The following NIPBL variants were observed in gnomAD, a reference collection of about 807,000 sequenced individuals.
NIPBL encodes nipped-B-like protein.
In NIPBL, 19 loss-of-function variants were observed where a neutral mutation model predicts 321.8. That is an observed-to-expected ratio of 0.06 (90% CI 0.04 to 0.09). The LOEUF is 0.09. Ranked by LOEUF, NIPBL falls within the 10% of genes least tolerant of loss-of-function variation. The pLI, the probability that NIPBL is intolerant of heterozygous loss-of-function variation, is 1.00. For synonymous variants in NIPBL, 1,106 were observed against 1,114.1 expected, an observed-to-expected ratio of 0.99 and a Z score of 0.14; for missense variants, 2,210 against 3,327.0, an observed-to-expected ratio of 0.66 and a Z score of 8.26.
chr5:36,985,875 G>T lies in NIPBL; in HGVS notation c.2695G>T (p.Asp899Tyr). ...TGACAGTCCTCGTGTTAAACAAGGA[G>T]ATTCTAATAAATCAAGATCTGATAA... ...RPDSPRVKQG[D>Y]SNKSRSDKLG... Residue 899 changes from aspartate (D) to tyrosine (Y), a missense_variant, in exon 10 of 47, where the codon GAT becomes TAT. Coordinates refer to ENST00000282516, the MANE Select transcript of NIPBL (RefSeq NM_133433.4). The T allele has an allele frequency of 6.2e-7, 1 of 1,613,856 alleles. No homozygotes were observed. The highest frequency in any genetic ancestry group is 1.1e-5 in the South Asian group (1 of 91,070).
Position 37,000,688 on chromosome 5 carries a change from A to T in NIPBL, c.3502+118A>T. The T allele has an allele frequency of 5.4e-6, 7 of 1,307,046 alleles. No homozygotes were observed. In the South Asian group the frequency reaches 7.6e-5, roughly 14 times the overall value. 81.0% of individuals were successfully genotyped at this position (1,307,046 alleles called of 1,614,324 possible). On this transcript the variant is annotated intron_variant, in intron 12 of 46. Transcript: ENST00000282516. ...ATAACTAATTTTCAATTAAGACAAAAATACTTAGTTTCTATGTGCAGTGAT... is the reference window on the plus strand; with the variant it reads ...ATAACTAATTTTCAATTAAGACAAATATACTTAGTTTCTATGTGCAGTGAT...
chr5:36,952,386 G>A (rs1275603689), intron 1 of NIPBL, among the ~76,000 whole-genome samples: 1 of 151,928 alleles, frequency 6.6e-6, no homozygotes, highest in African/African-American at 2.4e-5. Flanking sequence ...TTTAATCTTA[G>A]CTCTATGGTT....
intron 25 of NIPBL, among the ~76,000 whole-genome samples, chr5:37,019,728 A>G (rs1037079515): frequency 1.3e-5 from 2 of 152,182 alleles, no homozygotes; most frequent in Non-Finnish European, 2.9e-5. Context: ...GATGATCTAT[A>G]AGCCTGTAAA....
chr5:36,986,395 A>C, intron 10 of NIPBL, 94 bp downstream of exon 10: 12 of 839,336 alleles, frequency 1.4e-5, no homozygotes, highest in Non-Finnish European at 2.0e-5. Flanking sequence ...AAAATTAGAA[A>C]GCTACTACAT....
chr5:36,959,920 G>A (rs1324379006), intron 4 of NIPBL, among the ~76,000 whole-genome samples: 4 of 151,588 alleles, frequency 2.6e-5, no homozygotes, highest in African/African-American at 9.7e-5. Flanking sequence ...GCATTTTCCT[G>A]GTGATATATG....
rs542257533 is a variant in NIPBL at position 36,930,174 on chromosome 5, A to T, written c.-79-23444A>T. On this transcript the variant is annotated intron_variant, in intron 1 of 46. Coordinates refer to ENST00000282516, the MANE Select transcript of NIPBL (RefSeq NM_133433.4). ...ATAGATCAATTTGAAGAGAATTACC[A>T]TATTAACAATTTTGAGTCTTCTAAT... Among the ~76,000 whole-genome samples, 274 of 152,228 alleles carry T rather than the reference A, an allele frequency of 1.8e-3. 3 individuals carry two copies. Among genetic ancestry groups the T allele is most frequent in the Middle Eastern group, 3.4e-3 (1 of 294 alleles).
chr5:37,053,878 GA>G (rs1406727866), intron 42 of NIPBL, among the ~76,000 whole-genome samples: 1 of 152,178 alleles, frequency 6.6e-6, no homozygotes, highest in Non-Finnish European at 1.5e-5. Flanking sequence ...GAGCACGCAT[GA>G]ACCTATGTGT....
chr5:36,885,313 T>C, intron 1 of NIPBL: 2 of 492,076 alleles, frequency 4.1e-6, no homozygotes, highest in Non-Finnish European at 8.0e-6. Context: ...CCAGCGTCTA[T>C]GCAGGCGCCA....
At chr5:36,916,926 GTCTT>G in intron 1 of NIPBL, among the ~76,000 whole-genome samples, 1 of 152,176 alleles carries the variant, frequency 6.6e-6, no homozygotes, top group Admixed American at 6.5e-5. Flanking sequence ...TTGGTTCCAA[GTCTT>G]TGCTATTGTG....
chr5:37,050,873 G>C (rs1753465161), intron 40 of NIPBL: 1 of 152,002 alleles, frequency 6.6e-6, no homozygotes. Context: ...CTGTTTCCCA[G>C]GCTGGAGTGC....
Position 37,010,094 on chromosome 5 carries a change from A to C in NIPBL, c.4429A>C (p.Ser1477Arg), listed in dbSNP as rs1554022448. 6.2e-7 allele frequency: 1 copy of C among 1,611,002 alleles called. No individual in the cohort carries two copies. The highest frequency in any genetic ancestry group is 8.5e-7 in the Non-Finnish European group (1 of 1,177,404). ...KRSLRNFRLN[S>R]SDMDGEPMYI... Reference sequence around the variant, plus strand: ...TTTTTTTCTTCATTAAAGGTTAAACAGTAGTGATATGGATGGAGAACCTAT... The same window carrying C: ...TTTTTTTCTTCATTAAAGGTTAAACCGTAGTGATATGGATGGAGAACCTAT... Residue 1477 changes from serine (S) to arginine (R), a missense_variant, in exon 21 of 47, where the codon AGT becomes CGT. Transcript: ENST00000282516.
intron 1 of NIPBL, among the ~76,000 whole-genome samples, chr5:36,907,359 C>T (rs1747716336): frequency 6.6e-6 from 1 of 152,054 alleles, no homozygotes; most frequent in African/African-American, 2.4e-5. Context: ...CACAACACCC[C>T]TGCAAGACTG....
chr5:36,975,720 T>G, intron 8 of NIPBL, 56 bp from the exon 9 acceptor site: 2 of 1,530,224 alleles, frequency 1.3e-6, no homozygotes, highest in South Asian at 2.3e-5. Context: ...TTCTATCACA[T>G]TGTAAGAAAA....
intron 21 of NIPBL, among the ~76,000 whole-genome samples, chr5:37,013,568 C>T (rs1455870812): frequency 2.0e-5 from 3 of 151,498 alleles, no homozygotes; most frequent in African/African-American, 4.9e-5. Flanking sequence ...ACATACCGGA[C>T]GGGGTGGCAG....
rs769558683 is a variant in NIPBL, at chr5:37,051,916, T to C, written c.7062+30T>C. On this transcript the variant is annotated intron_variant, in intron 41 of 46. Transcript: ENST00000282516. ...GTATTTTAACATTTTATAACCTAAA[T>C]TTAAACATTTTTCTTGAGTAAAGCA... is the stretch of plus-strand genomic sequence containing the variant. 8.1e-6 allele frequency: 12 copies of C among 1,474,618 alleles called. No individual in the cohort carries two copies. The African/African-American group carries it at 1.7e-4, about 20-fold the overall frequency. 91.3% of individuals were successfully genotyped at this position (1,474,618 alleles called of 1,614,324 possible).
intron 33 of NIPBL, among the ~76,000 whole-genome samples, chr5:37,037,407 ATG>A (rs996003773): frequency 1.8e-3 from 263 of 144,854 alleles, no homozygotes; most frequent in African/African-American, 6.3e-3. Flanking sequence ...ATATATATAT[ATG>A]TATATATATA....
intron 34 of NIPBL, among the ~76,000 whole-genome samples, chr5:37,041,062 T>C (rs1218191125): frequency 2.0e-5 from 3 of 151,822 alleles, no homozygotes; most frequent in Admixed American, 1.3e-4. Context: ...ATTTTAGATA[T>C]TAAACCATCT....
At chr5:36,918,004 T>A (rs929339262) in intron 1 of NIPBL, among the ~76,000 whole-genome samples, 1 of 152,112 alleles carries the variant, frequency 6.6e-6, no homozygotes, top group Admixed American at 6.5e-5. Context: ...CTTGGCAATG[T>A]GGGCTCTTTT....
chr5:36,950,546 T>C (rs187815332), intron 1 of NIPBL, among the ~76,000 whole-genome samples: 2 of 152,186 alleles, frequency 1.3e-5, no homozygotes, highest in African/African-American at 2.4e-5. Flanking sequence ...TATACTCTTA[T>C]AGTTCTATTC....
Sources: gnomAD v4.1 joint callset for allele counts (sites outside exome capture counted in the v4.1 genomes callset) on GRCh38, gnomAD v4.1.1 for gene constraint, MANE v1.5 for transcripts, NCBI Gene and HGNC (gene_info 2026-07-23, HGNC 2026-07-21) for gene names.